Variants in LNPK observed in about 807,000 individuals in gnomAD.
LNPK encodes the protein endoplasmic reticulum junction formation protein lunapark.
A neutral mutation model predicts 55.2 loss-of-function variants in LNPK; 29 were observed. The ratio of observed to expected loss-of-function variants is 0.53; its 90% confidence interval spans 0.39 to 0.72. LNPK has a LOEUF of 0.72. Among genes scored for constraint, LNPK ranks in the 30% least tolerant of loss-of-function variants. LNPK has a pLI of 0.00. For missense variants in LNPK, 467 were observed against 494.8 expected (o/e 0.94, Z 0.53); for synonymous variants, 162 against 168.2 (o/e 0.96, Z 0.29).
chr2:175,974,112 A>ATT (rs1686777799), intron 5 of LNPK, among the ~76,000 whole-genome samples: 2 of 152,162 alleles, frequency 1.3e-5, no homozygotes, highest in Admixed American at 6.6e-5. Flanking sequence ...GAATATGATG[A>ATT]TAAGTAGTTA....
chr2:175,948,352 T>G (rs1289761924), intron 8 of LNPK, among the ~76,000 whole-genome samples: 1 of 152,214 alleles, frequency 6.6e-6, no homozygotes, highest in African/African-American at 2.4e-5. Flanking sequence ...CATGCCAAAT[T>G]CAGGCTGCCG....
At chr2:175,936,714 A>T (rs1684562056) in intron 12 of LNPK, among the ~76,000 whole-genome samples, 1 of 152,186 alleles carries the variant, frequency 6.6e-6, no homozygotes, top group Non-Finnish European at 1.5e-5. Flanking sequence ...AATTCCTAAA[A>T]CAGAATTGTA....
At chr2:175,989,004 T>C (rs1687568809) in intron 4 of LNPK, among the ~76,000 whole-genome samples, 1 of 152,164 alleles carries the variant, frequency 6.6e-6, no homozygotes, top group Admixed American at 6.5e-5. Flanking sequence ...CCCGATCTCC[T>C]GATCTCGTGA....
intron 12 of LNPK, chr2:175,932,305 G>A (rs1378856591): frequency 5.2e-6 from 2 of 386,814 alleles, no homozygotes; most frequent in African/African-American, 4.2e-5. Flanking sequence ...ATACAAGGAG[G>A]AGAACTACAA....
Position 175,927,444 on chromosome 2 carries a change from G to C in LNPK, c.*2523C>G, listed in dbSNP as rs575834649. 1 of 152,366 alleles carries C rather than the reference G, an allele frequency of 6.6e-6. No homozygotes were observed. Among genetic ancestry groups the C allele is most frequent in the South Asian group, 2.1e-4 (1 of 4,816 alleles). The allele number at this position is 152,366 out of a possible 1,614,324, so 9.4% of individuals were successfully genotyped here. On this transcript the variant is annotated 3_prime_UTR_variant, in exon 13 of 13. Transcript: ENST00000272748. ...GACATGATAGGGAGTAAAAGGCAGA[G>C]GCCAGCTTCAGATGGGGAGTTTGGG...
chr2:175,955,380 C>A (rs1468598159), intron 8 of LNPK, among the ~76,000 whole-genome samples: 1 of 152,146 alleles, frequency 6.6e-6, no homozygotes, highest in African/African-American at 2.4e-5. Flanking sequence ...CTGTGTAAAC[C>A]ACCTTGATAG....
intron 12 of LNPK, among the ~76,000 whole-genome samples, chr2:175,933,358 ATT>A (rs1191436062): frequency 6.6e-6 from 1 of 152,214 alleles, no homozygotes; most frequent in African/African-American, 2.4e-5. Context: ...TGAAAAAATA[ATT>A]TCTTAAGAAA....
At chr2:175,989,486 AAGACTTT>A (rs530205155) in intron 4 of LNPK, among the ~76,000 whole-genome samples, 226 of 152,306 alleles carry the variant, frequency 1.5e-3, no homozygotes, top group African/African-American at 5.1e-3. Flanking sequence ...AAAAGTCTAC[AAGACTTT>A]TACTTAGTTA....
At chr2:175,935,694 T>C (rs1350050829) in intron 12 of LNPK, 21 of 794,478 alleles carry the variant, frequency 2.6e-5, no homozygotes, top group Non-Finnish European at 3.1e-5. Context: ...TTTGTCTTCA[T>C]GTAATAACAT....
At position 176,002,247 on chromosome 2, in the gene LNPK, A is replaced by T. The variant is rs1207139560; in HGVS notation, c.-150T>A. On this transcript the variant is annotated 5_prime_UTR_variant, in exon 1 of 13. Transcript: ENST00000272748. Reference sequence around the variant, plus strand: ...CCAGCCTGCCTCCAGAGCAGGCAGCAGCCGCCACTGACAGAGAGACAAGCC... The same window carrying T: ...CCAGCCTGCCTCCAGAGCAGGCAGCTGCCGCCACTGACAGAGAGACAAGCC... The T allele has an allele frequency of 8.9e-6, 4 of 450,946 alleles. No individual in the cohort carries two copies. Among genetic ancestry groups the T allele is most frequent in the Middle Eastern group, 5.7e-4 (1 of 1,768 alleles). 27.9% of individuals were successfully genotyped at this position (450,946 alleles called of 1,614,324 possible). A position where few individuals can be genotyped will look rare whatever the true frequency, so the allele number is the denominator to read the frequency against.
intron 9 of LNPK, among the ~76,000 whole-genome samples, chr2:175,940,763 A>C (rs2360058): frequency 0.061 from 9,221 of 152,240 alleles, 357 homozygotes; most frequent in South Asian, 0.097. Context: ...ACTATATTTC[A>C]TATGTTTGAG....
chr2:175,957,730 A>G (rs972772224), intron 8 of LNPK, among the ~76,000 whole-genome samples: 10 of 152,170 alleles, frequency 6.6e-5, no homozygotes, highest in Admixed American at 3.3e-4. Context: ...CAGCCCACAG[A>G]CGATGAGCTG....
intron 8 of LNPK, among the ~76,000 whole-genome samples, chr2:175,960,545 G>A (rs979126984): frequency 9.2e-5 from 14 of 152,178 alleles, no homozygotes; most frequent in African/African-American, 3.4e-4. Flanking sequence ...GAATCTCTGG[G>A]ACACATTTAA....
chr2:175,966,170 T>C (rs1686336666), intron 6 of LNPK, among the ~76,000 whole-genome samples: 1 of 152,134 alleles, frequency 6.6e-6, no homozygotes, highest in Non-Finnish European at 1.5e-5. Context: ...GTTCAAGCGA[T>C]TCTCTGCCTC....
chr2:175,939,523 C>G (rs577522713), intron 10 of LNPK, 29 bp downstream of exon 10: 1 of 1,232,192 alleles, frequency 8.1e-7, no homozygotes, highest in East Asian at 2.3e-5. Context: ...TTTTCATTTT[C>G]ATTTATCTAC....
chr2:175,959,127 A>C (rs1017475187), intron 8 of LNPK, among the ~76,000 whole-genome samples: 2 of 152,242 alleles, frequency 1.3e-5, no homozygotes, highest in Non-Finnish European at 2.9e-5. Context: ...GATGGAACCA[A>C]GCTGGAAAAC....
chr2:175,998,445 A>C (rs1426408718), intron 1 of LNPK, among the ~76,000 whole-genome samples: 5 of 82,962 alleles, frequency 6.0e-5, no homozygotes, highest in African/African-American at 1.7e-4. Flanking sequence ...TCCGTCTCAC[A>C]AAAAAAAAAA....
At chr2:175,932,575 T>A (rs1426209799) in intron 12 of LNPK, among the ~76,000 whole-genome samples, 1 of 152,200 alleles carries the variant, frequency 6.6e-6, no homozygotes, top group Admixed American at 6.5e-5. Flanking sequence ...GTATGTGACA[T>A]GACATCTACA....
At chr2:175,935,592 T>G (rs908706570) in intron 12 of LNPK, 1 of 159,158 alleles carries the variant, frequency 6.3e-6, no homozygotes, top group Non-Finnish European at 1.3e-5. Flanking sequence ...CAAAGAGAAG[T>G]ATGAAAGTTA....
Sources: gnomAD v4.1 joint callset for allele counts (sites outside exome capture counted in the v4.1 genomes callset) on GRCh38, gnomAD v4.1.1 for gene constraint, MANE v1.5 for transcripts, NCBI Gene and HGNC (gene_info 2026-07-23, HGNC 2026-07-21) for gene names.